Variants in NCOA4 observed in about 807,000 individuals in gnomAD.
NCOA4 encodes 70 kDa AR-activator.
Under a neutral mutation model 69.5 loss-of-function variants are expected in NCOA4, and 31 were observed. The ratio of observed to expected loss-of-function variants is 0.45; its 90% CI spans 0.34 to 0.60. The LOEUF (loss-of-function observed/expected upper bound fraction) is 0.60. NCOA4 is among the 20% of genes least tolerant of loss of function. The pLI is 0.02. For missense variants in NCOA4, 600 were observed against 719.2 expected, an observed-to-expected ratio of 0.83 and a Z score of 1.90; for synonymous variants, 228 against 252.4, an observed-to-expected ratio of 0.90 and a Z score of 0.92.
chr10:46,023,325 C>A (rs1163088327), intron 1 of NCOA4: 19 of 985,466 alleles, frequency 1.9e-5, no homozygotes, highest in Non-Finnish European at 2.3e-5. Context: ...GGCTGCCAGA[C>A]GTACCTCACA....
At chr10:46,007,158 A>C (rs538789678) in intron 9 of NCOA4, among the ~76,000 whole-genome samples, 5 of 152,358 alleles carry the variant, frequency 3.3e-5, no homozygotes, top group Non-Finnish European at 7.3e-5. Context: ...TTTAAAAAGC[A>C]AACAGCCTTA....
rs541889504 is a variant in NCOA4, at chr10:46,011,430, G to A, written c.715-224C>T. 8.2e-5 allele frequency among the ~76,000 whole-genome samples: 9 copies of A among 110,368 alleles called. No homozygotes were observed. The East Asian group carries it at 2.4e-3, about 29-fold the overall frequency. 72.4% of individuals were successfully genotyped at this position (110,368 alleles called of 152,430 possible). A position where few individuals can be genotyped will look rare whatever the true frequency, so the allele number is the denominator to read the frequency against. ...CTATAGGCGCCCACCACCACGCCCA[G>A]CTAATTTTTTTTTTTTTTGTATTTT... is the stretch of plus-strand genomic sequence containing the variant. On this transcript the variant is annotated intron_variant, in intron 7 of 9. Coordinates refer to ENST00000581486, the MANE Select transcript of NCOA4 (RefSeq NM_001145263.2).
intron 1 of NCOA4, among the ~76,000 whole-genome samples, chr10:46,021,269 C>G (rs1321329882): frequency 6.6e-6 from 1 of 152,114 alleles, no homozygotes; most frequent in African/African-American, 2.4e-5. Flanking sequence ...TGAAAAATAG[C>G]TCCTCACAAG....
intron 6 of NCOA4, 136 bp from the exon 7 acceptor site, chr10:46,013,162 T>G: frequency 1.3e-6 from 1 of 756,768 alleles, no homozygotes; most frequent in Non-Finnish European, 2.1e-6. Context: ...TTTTCACAAT[T>G]ATAAAACAAG....
intron 6 of NCOA4, among the ~76,000 whole-genome samples, 166 bp from the exon 7 acceptor site, chr10:46,013,192 A>T (rs1379244637): frequency 6.6e-6 from 1 of 152,238 alleles, no homozygotes; most frequent in Non-Finnish European, 1.5e-5. Context: ...GCTGATCTCT[A>T]GGGCTCTTCT....
intron 1 of NCOA4, 129 bp from the exon 2 acceptor site, chr10:46,016,823 A>AC: frequency 2.0e-6 from 1 of 509,090 alleles, no homozygotes; most frequent in Non-Finnish European, 3.1e-6. Flanking sequence ...CCAACACCAA[A>AC]CCTAGCACAT....
At chr10:46,015,343 A>G in intron 2 of NCOA4, 77 bp from the exon 3 acceptor site, 1 of 831,922 alleles carries the variant, frequency 1.2e-6, no homozygotes, top group Non-Finnish European at 1.7e-6. Flanking sequence ...TGAGTTTCTA[A>G]AACTTTTTTT....
Position 46,015,140 on chromosome 10 carries a change from G to C in NCOA4, c.268C>G (p.Gln90Glu). ...LKEETLQQQA[Q>E]QLYSLLGQFN... ...AGTCACCTTACCGAGTAGAGCTGCT[G>C]AGCCTGCTGTTGAAGTGTCTCCTCT... Residue 90 changes from glutamine to glutamate, a missense_variant, in exon 3 of 10, where the codon CAG (glutamine) becomes GAG (glutamate). Physicochemically the swap from Gln to Glu is conservative, Grantham distance 29. Coordinates refer to ENST00000581486, the MANE Select transcript of NCOA4 (RefSeq NM_001145263.2). 1 of 1,614,224 alleles carries C rather than the reference G, an allele frequency of 6.2e-7. No homozygotes were observed. The highest frequency in any genetic ancestry group is 8.5e-7 in the Non-Finnish European group (1 of 1,180,040).
At chr10:46,029,582 G>C (rs1474186311) in intron 1 of NCOA4, among the ~76,000 whole-genome samples, 1 of 152,126 alleles carries the variant, frequency 6.6e-6, no homozygotes, top group Non-Finnish European at 1.5e-5. Flanking sequence ...GTGGTGGAAA[G>C]CTAAGTCCAT....
intron 1 of NCOA4, chr10:46,027,359 T>G: frequency 7.5e-7 from 1 of 1,338,460 alleles, no homozygotes. Flanking sequence ...GATTTAACAA[T>G]CAAAGAAGAT....
chr10:46,023,311 C>T, intron 1 of NCOA4: 4 of 985,596 alleles, frequency 4.1e-6, no homozygotes, highest in Non-Finnish European at 4.8e-6. Flanking sequence ...CGCTACGGCC[C>T]CTGGGCTGCC....
chr10:46,006,331 C>T lies in NCOA4; in HGVS notation c.*261G>A. 2 of 501,480 alleles carry T rather than the reference C, an allele frequency of 4.0e-6. No homozygotes were observed. Among genetic ancestry groups the T allele is most frequent in the Non-Finnish European group, 7.2e-6 (2 of 277,694 alleles). The allele number at this position is 501,480 out of a possible 1,614,324, so 31.1% of individuals were successfully genotyped here. On this transcript the variant is annotated 3_prime_UTR_variant, in exon 10 of 10. Coordinates refer to ENST00000581486, the MANE Select transcript of NCOA4 (RefSeq NM_001145263.2). ...GAAAAAGACGTCCACAAAGATGCTG[C>T]ATTTCTAGTGTGGGGTGAATTAAAA...
chr10:46,010,502 T>C lies in NCOA4; in HGVS notation c.1419A>G (p.Ala473=), dbSNP rs1554920993. Residue 473 remains alanine (A), a synonymous_variant, in exon 8 of 10, where the codon GCA becomes GCG. Transcript: ENST00000581486. Reference sequence around the variant, plus strand: ...TTCTAGAAGGAGTCATTGCCTTTGGTGCTTTAGTTTGTTCTATTACTTCTT... The same window carrying C: ...TTCTAGAAGGAGTCATTGCCTTTGGCGCTTTAGTTTGTTCTATTACTTCTT... ...PRKEVIEQTK[A]PKAMTPSRIA... 9.9e-6 allele frequency: 16 copies of C among 1,614,204 alleles called. No individual in the cohort carries two copies. The highest frequency in any genetic ancestry group is 1.4e-5 in the Non-Finnish European group (16 of 1,180,044).
Position 46,012,951 on chromosome 10 carries a change from C to T in NCOA4, c.646G>A (p.Ala216Thr). 6.2e-7 allele frequency: 1 copy of T among 1,614,150 alleles called. No individual in the cohort carries two copies. The highest frequency in any genetic ancestry group is 8.5e-7 in the Non-Finnish European group (1 of 1,180,012). The change falls in exon 7 of 10, where the codon GCT (alanine) becomes ACT (threonine). Residue 216 changes from alanine (A) to threonine (T), a missense_variant. Ala to Thr is a moderately conservative substitution (Grantham distance 58). Coordinates refer to ENST00000581486, the MANE Select transcript of NCOA4 (RefSeq NM_001145263.2). ...LGSKPASGYQAPYIPSTDPQD... is the reference protein window; with the variant it reads ...LGSKPASGYQTPYIPSTDPQD... ...GGGTCGGTGCTGGGTATGTAAGGAG[C>T]TTGATAACCACTGGCAGGTTTGCTT...
intron 1 of NCOA4, among the ~76,000 whole-genome samples, chr10:46,029,478 T>G (rs1344879958): frequency 6.6e-6 from 1 of 152,218 alleles, no homozygotes; most frequent in African/African-American, 2.4e-5. Flanking sequence ...AGGATCTCGG[T>G]ATAAAAATGG....
At chr10:46,007,639 C>G (rs544241935) in intron 9 of NCOA4, among the ~76,000 whole-genome samples, 10 of 134,318 alleles carry the variant, frequency 7.4e-5, no homozygotes, top group African/African-American at 2.3e-4. Context: ...GTCAACCAGG[C>G]AAGACCGCAG....
chr10:46,016,718 A>G, intron 1 of NCOA4, 24 bp from the exon 2 acceptor site: 1 of 1,369,116 alleles, frequency 7.3e-7, no homozygotes, highest in Non-Finnish European at 9.5e-7. Context: ...AAATATATAT[A>G]AATAGCACCA....
intron 1 of NCOA4, among the ~76,000 whole-genome samples, chr10:46,023,716 G>T (rs1287832925): frequency 6.6e-6 from 1 of 152,122 alleles, no homozygotes; most frequent in Non-Finnish European, 1.5e-5. Context: ...CCCGATAATG[G>T]GCCCAACTCA....
chr10:46,007,579 C>CCCTTTTTTTTTTTTTTTTT (rs1838911042), intron 9 of NCOA4, among the ~76,000 whole-genome samples: 1 of 125,674 alleles, frequency 8.0e-6, no homozygotes. Flanking sequence ...CAGCCAGTGA[C>CCCTTTTTTTTTTTTTTTTT]TCTTTTTTTT....
Sources: gnomAD v4.1 joint callset for allele counts (sites outside exome capture counted in the v4.1 genomes callset) on GRCh38, gnomAD v4.1.1 for gene constraint, MANE v1.5 for transcripts, NCBI Gene and HGNC (gene_info 2026-07-23, HGNC 2026-07-21) for gene names.